PAM: variants seen among roughly 807,000 people sequenced by gnomAD.
PAM encodes peptidylglycine alpha-amidating monooxygenase.
Under a neutral mutation model 122.1 loss-of-function variants are expected in PAM, and 72 were observed. The ratio of observed to expected loss-of-function variants is 0.59; its 90% confidence interval spans 0.49 to 0.72. The LOEUF is 0.72. Among genes scored for constraint, PAM ranks in the 30% least tolerant of loss-of-function variants. The pLI, the probability that PAM is intolerant of heterozygous loss-of-function variation, is 0.00. For missense variants in PAM, 1,106 were observed against 1,183.7 expected (o/e 0.93, Z 0.96); for synonymous variants, 389 against 404.4 (o/e 0.96, Z 0.46).
intron 5 of PAM, among the ~76,000 whole-genome samples, chr5:102,914,992 T>C (rs893987105): frequency 9.2e-5 from 14 of 152,274 alleles, no homozygotes; most frequent in African/African-American, 3.4e-4. Context: ...AGATGTTTTC[T>C]ACCCCCATAA....
intron 1 of PAM, among the ~76,000 whole-genome samples, chr5:102,782,820 G>T (rs1167130372): frequency 7.1e-6 from 1 of 140,564 alleles, no homozygotes. Flanking sequence ...TTGTCAATCA[G>T]TTTTTTTTTT....
At chr5:102,886,991 G>T (rs573705814) in intron 3 of PAM, among the ~76,000 whole-genome samples, 24 of 152,190 alleles carry the variant, frequency 1.6e-4, no homozygotes, top group South Asian at 1.5e-3. Context: ...GTATCAAAAA[G>T]ATTGTCTATC....
chr5:102,924,870 C>CCTT, intron 5 of PAM, 87 bp from the exon 6 acceptor site: 2 of 753,140 alleles, frequency 2.7e-6, no homozygotes, highest in Non-Finnish European at 4.9e-6. Flanking sequence ...GTTTCAAATA[C>CCTT]CTTCCCCCAT....
chr5:102,958,631 CAG>C (rs1440781946), intron 12 of PAM, among the ~76,000 whole-genome samples: 1 of 152,124 alleles, frequency 6.6e-6, no homozygotes, highest in Non-Finnish European at 1.5e-5. Flanking sequence ...GTATCAGATT[CAG>C]AGAGTAAGAA....
At chr5:102,848,374 A>G (rs1780479993) in intron 1 of PAM, among the ~76,000 whole-genome samples, 1 of 152,218 alleles carries the variant, frequency 6.6e-6, no homozygotes, top group African/African-American at 2.4e-5. Context: ...TGACTAACAC[A>G]TGGCCCTTAC....
chr5:102,801,205 ATTGTT>A (rs1265884708), intron 1 of PAM, among the ~76,000 whole-genome samples: 2 of 152,160 alleles, frequency 1.3e-5, no homozygotes, highest in African/African-American at 4.8e-5. Flanking sequence ...AGCTATTTAT[ATTGTT>A]TTAACTAGAC....
intron 5 of PAM, among the ~76,000 whole-genome samples, chr5:102,922,585 A>C (rs947697015): frequency 2.0e-5 from 3 of 152,230 alleles, no homozygotes; most frequent in Non-Finnish European, 2.9e-5. Flanking sequence ...AACAAATGAC[A>C]TAATCAAATG....
intron 21 of PAM, among the ~76,000 whole-genome samples, chr5:103,011,369 AAC>A (rs1373055129): frequency 1.4e-5 from 2 of 140,744 alleles, no homozygotes; most frequent in East Asian, 2.1e-4. Flanking sequence ...CACACACACA[AAC>A]ACACACTCAC....
At chr5:102,917,784 G>T (rs1233414818) in intron 5 of PAM, among the ~76,000 whole-genome samples, 1 of 152,066 alleles carries the variant, frequency 6.6e-6, no homozygotes, top group African/African-American at 2.4e-5. Flanking sequence ...CTGTTGTGCT[G>T]CCCTCCTTTG....
At chr5:103,030,470 T>A (rs976494544), downstream of PAM, 2 of 152,240 alleles carry the variant, frequency 1.3e-5, no homozygotes, top group African/African-American at 4.8e-5. Context: ...AATACAGATA[T>A]AATTGACTAA....
chr5:102,982,315 G>A (rs553324071), intron 15 of PAM, among the ~76,000 whole-genome samples: 1 of 152,250 alleles, frequency 6.6e-6, no homozygotes, highest in East Asian at 1.9e-4. Flanking sequence ...GGGATCCGAG[G>A]ATAGGTTCAG....
intron 1 of PAM, among the ~76,000 whole-genome samples, chr5:102,847,645 G>T (rs1049434012): frequency 6.6e-6 from 1 of 152,176 alleles, no homozygotes; most frequent in Non-Finnish European, 1.5e-5. Flanking sequence ...GTCAGCTAAA[G>T]ATAGTAAAAT....
At chr5:102,898,289 A>G (rs773663294) in intron 3 of PAM, among the ~76,000 whole-genome samples, 4 of 151,436 alleles carry the variant, frequency 2.6e-5, no homozygotes, top group Non-Finnish European at 5.9e-5. Context: ...AGCAGTTTGA[A>G]TCTTTAGTAT....
At chr5:102,939,279 A>G (rs767298308) in intron 7 of PAM, among the ~76,000 whole-genome samples, 7 of 152,148 alleles carry the variant, frequency 4.6e-5, no homozygotes, top group Non-Finnish European at 8.8e-5. Context: ...TTTTCATTAC[A>G]TATTAATTAT....
intron 4 of PAM, among the ~76,000 whole-genome samples, chr5:102,911,572 T>A (rs1324962171): frequency 6.6e-6 from 1 of 151,912 alleles, no homozygotes; most frequent in Non-Finnish European, 1.5e-5. Context: ...CCAGTTTACT[T>A]TACAAAGGAC....
chr5:102,812,850 A>G (rs1768380266), intron 1 of PAM, among the ~76,000 whole-genome samples: 1 of 152,132 alleles, frequency 6.6e-6, no homozygotes, highest in East Asian at 1.9e-4. Flanking sequence ...AATAAAATAT[A>G]CATTTAGTTA....
intron 20 of PAM, among the ~76,000 whole-genome samples, chr5:103,008,835 C>T (rs1779800203): frequency 6.6e-6 from 1 of 151,838 alleles, no homozygotes; most frequent in African/African-American, 2.4e-5. Context: ...TCATAATAAA[C>T]AAAAATAAAT....
intron 1 of PAM, among the ~76,000 whole-genome samples, chr5:102,794,437 G>C (rs1762839561): frequency 6.6e-6 from 1 of 151,482 alleles, no homozygotes; most frequent in South Asian, 2.1e-4. Context: ...ACTAGATGAG[G>C]AGATTTTTTT....
chr5:102,890,399 T>C (rs1794464450), intron 3 of PAM, among the ~76,000 whole-genome samples: 1 of 151,922 alleles, frequency 6.6e-6, no homozygotes, highest in Admixed American at 6.6e-5. Flanking sequence ...CGTGGTTAAT[T>C]AGAAGTTACG....
Sources: allele counts gnomAD v4.1 joint callset (sites outside exome capture counted in the v4.1 genomes callset), GRCh38; gene constraint gnomAD v4.1.1; transcripts MANE v1.5; gene names NCBI Gene and HGNC (gene_info 2026-07-23, HGNC 2026-07-21).